The following MACROD2 variants were observed in gnomAD, a reference collection of about 807,000 sequenced individuals.
The protein encoded by MACROD2 is mono-ADP ribosylhydrolase 2, also known as ADP-ribose glycohydrolase MACROD2.
A neutral mutation model predicts 70.4 loss-of-function variants in MACROD2; 36 were observed. The ratio of observed to expected loss-of-function variants is 0.51; its 90% CI spans 0.39 to 0.68. MACROD2 has a LOEUF of 0.68. MACROD2 is among the 30% of genes least tolerant of loss of function. MACROD2 has a pLI of 0.00. For missense variants in MACROD2, 496 were observed against 538.4 expected (o/e 0.92, Z 0.78); for synonymous variants, 172 against 178.8 (o/e 0.96, Z 0.30).
At chr20:14,684,819 C>T in intron 4 of MACROD2, 24 bp from the exon 5 acceptor site, 1 of 1,584,038 alleles carries the variant, frequency 6.3e-7, no homozygotes, top group Non-Finnish European at 8.7e-7. Flanking sequence ...CAAATATAAG[C>T]TAACTTTCTT....
chr20:15,453,191 A>T (rs1364181192), intron 7 of MACROD2, among the ~76,000 whole-genome samples: 1 of 150,496 alleles, frequency 6.6e-6, no homozygotes, highest in Admixed American at 6.7e-5. Flanking sequence ...AGCTGAAGGG[A>T]TGTACCTGAA....
intron 5 of MACROD2, among the ~76,000 whole-genome samples, chr20:14,795,527 G>T (rs1346884947): frequency 6.6e-6 from 1 of 152,016 alleles, no homozygotes; most frequent in African/African-American, 2.4e-5. Context: ...ACAAAGAGAG[G>T]AATAGATACC....
rs555587322 is a variant in MACROD2, at chr20:14,487,838, T to G, written c.272-5641T>G. Among the ~76,000 whole-genome samples the G allele has an allele frequency of 5.3e-5, 8 of 152,322 alleles. No individual in the cohort carries two copies. The South Asian group carries it at 1.7e-3, about 32-fold the overall frequency. On this transcript the variant is annotated intron_variant, in intron 3 of 17. Coordinates refer to ENST00000684519, the MANE Select transcript of MACROD2 (RefSeq NM_001351661.2). Reference sequence around the variant, plus strand: ...TATCTTTATTAAGACTGAGAATTATTTTTTGGCCTATTTGTTTAAATAAAA... The same window carrying G: ...TATCTTTATTAAGACTGAGAATTATGTTTTGGCCTATTTGTTTAAATAAAA...
chr20:15,726,183 T>C (rs1234779582), intron 8 of MACROD2, among the ~76,000 whole-genome samples: 3 of 152,168 alleles, frequency 2.0e-5, no homozygotes, highest in Non-Finnish European at 4.4e-5. Context: ...CATGTGGCAT[T>C]TGGTTTTCTG....
At chr20:15,544,102 G>A (rs909283492) in intron 8 of MACROD2, among the ~76,000 whole-genome samples, 2 of 152,174 alleles carry the variant, frequency 1.3e-5, no homozygotes, top group African/African-American at 4.8e-5. Flanking sequence ...AGAAGAGGGA[G>A]CATCATGTGA....
intron 5 of MACROD2, among the ~76,000 whole-genome samples, chr20:15,064,121 T>C (rs2075555514): frequency 6.6e-6 from 1 of 152,078 alleles, no homozygotes. Flanking sequence ...CCCCTTTTTT[T>C]AGAGGGTGGG....
chr20:15,783,401 C>T (rs772514501), intron 8 of MACROD2, among the ~76,000 whole-genome samples: 3 of 152,094 alleles, frequency 2.0e-5, no homozygotes. Flanking sequence ...TTCACCTGAC[C>T]TTATTTCTAG....
intron 4 of MACROD2, among the ~76,000 whole-genome samples, chr20:14,622,630 G>A (rs916740061): frequency 2.0e-5 from 3 of 152,160 alleles, no homozygotes; most frequent in African/African-American, 7.2e-5. Flanking sequence ...AAGTACTTAG[G>A]TCTACCCTTG....
chr20:15,678,380 G>A (rs1485371393), intron 8 of MACROD2, among the ~76,000 whole-genome samples: 5 of 147,850 alleles, frequency 3.4e-5, no homozygotes, highest in Non-Finnish European at 7.5e-5. Flanking sequence ...TTTTTTTTGA[G>A]ACGGAGTCTC....
At chr20:14,680,460 A>G (rs1932955) in intron 4 of MACROD2, among the ~76,000 whole-genome samples, 104,582 of 151,982 alleles carry the variant, frequency 0.69, 36,618 homozygotes, top group African/African-American at 0.81. Flanking sequence ...GGGATTTATC[A>G]TAGAACTTAA....
chr20:16,047,501 C>T (rs1300900085), intron 17 of MACROD2, among the ~76,000 whole-genome samples: 1 of 152,158 alleles, frequency 6.6e-6, no homozygotes, highest in Admixed American at 6.5e-5. Flanking sequence ...CTGAGTGTGG[C>T]TTCTAGGTTG....
chr20:14,607,782 C>T (rs1982900440), intron 4 of MACROD2, among the ~76,000 whole-genome samples: 1 of 152,098 alleles, frequency 6.6e-6, no homozygotes, highest in Admixed American at 6.6e-5. Flanking sequence ...ACAATAAATT[C>T]CATGCCATCG....
intron 8 of MACROD2, among the ~76,000 whole-genome samples, chr20:15,690,605 C>A (rs186186150): frequency 6.6e-6 from 1 of 152,174 alleles, no homozygotes; most frequent in African/African-American, 2.4e-5. Flanking sequence ...AATAAAAGCA[C>A]ATAGAGAATC....
chr20:14,648,634 ATATC>A (rs1257755852), intron 4 of MACROD2, among the ~76,000 whole-genome samples: 2 of 151,666 alleles, frequency 1.3e-5, no homozygotes, highest in Non-Finnish European at 1.5e-5. Flanking sequence ...ATATATATAT[ATATC>A]TATCTATCTC....
chr20:15,058,887 A>G (rs187941578), intron 5 of MACROD2, among the ~76,000 whole-genome samples: 4 of 152,332 alleles, frequency 2.6e-5, no homozygotes, highest in East Asian at 1.9e-4. Context: ...ATAAGAAGCT[A>G]TGGTTGGAAG....
chr20:15,659,093 A>G (rs1401207701), intron 8 of MACROD2, among the ~76,000 whole-genome samples: 1 of 152,178 alleles, frequency 6.6e-6, no homozygotes, highest in African/African-American at 2.4e-5. Context: ...AGTGAGATAT[A>G]ATGTTCATTG....
chr20:15,916,987 C>A (rs1461930612), intron 10 of MACROD2, among the ~76,000 whole-genome samples: 2 of 152,324 alleles, frequency 1.3e-5, no homozygotes, highest in Middle Eastern at 3.4e-3. Context: ...ATATTTTCTT[C>A]ATTTTTATTA....
intron 4 of MACROD2, among the ~76,000 whole-genome samples, chr20:14,584,725 C>T (rs767804645): frequency 6.6e-5 from 10 of 151,958 alleles, no homozygotes; most frequent in Non-Finnish European, 2.9e-5. Context: ...ATCTTTTTAG[C>T]CTTCTTTTAT....
At chr20:14,241,065 G>C (rs1271811339) in intron 3 of MACROD2, among the ~76,000 whole-genome samples, 2 of 152,038 alleles carry the variant, frequency 1.3e-5, no homozygotes, top group South Asian at 2.1e-4. Context: ...GCAGTGAGCC[G>C]AGATTGCATC....
Sources: allele counts gnomAD v4.1 joint callset (sites outside exome capture counted in the v4.1 genomes callset), GRCh38; gene constraint gnomAD v4.1.1; transcripts MANE v1.5; gene names NCBI Gene and HGNC (gene_info 2026-07-23, HGNC 2026-07-21).